STARD13: variants seen among roughly 807,000 people sequenced by gnomAD.
STARD13 encodes the protein StAR related lipid transfer domain containing 13.
Under a neutral mutation model 106.4 loss-of-function variants are expected in STARD13, and 62 were observed. That is an observed-to-expected ratio of 0.58 (90% CI 0.48 to 0.72). The LOEUF is 0.72. STARD13 is among the 30% of genes least tolerant of loss of function. STARD13 has a pLI of 0.00. For synonymous variants in STARD13, 565 were observed against 553.0 expected, an observed-to-expected ratio of 1.02 and a Z score of -0.31; for missense variants, 1,387 against 1,424.0, an observed-to-expected ratio of 0.97 and a Z score of 0.42.
chr13:33,551,568 CCTTTTTT>C, the STARD13 span, among the ~76,000 whole-genome samples: 101 of 44,792 alleles, frequency 2.3e-3, 20 homozygotes, highest in South Asian at 3.9e-3. Context: ...TTTGCTTTTC[CCTTTTTT>C]TTTTTTTTTT....
chr13:33,350,195 G>A (rs1448759880), intron 1 of STARD13: 1 of 1,372,374 alleles, frequency 7.3e-7, no homozygotes, highest in Non-Finnish European at 9.4e-7. Flanking sequence ...CTCATGCCCT[G>A]GAGCCCAGAG....
the STARD13 span, among the ~76,000 whole-genome samples, chr13:33,449,168 C>T: frequency 1.3e-5 from 2 of 151,480 alleles, no homozygotes; most frequent in Non-Finnish European, 2.9e-5. Flanking sequence ...CAAAAAAATC[C>T]TGGTGTAGGA....
At chr13:33,459,135 A>T in the STARD13 span, among the ~76,000 whole-genome samples, 18 of 152,180 alleles carry the variant, frequency 1.2e-4, no homozygotes, top group Non-Finnish European at 2.1e-4. Context: ...GATATAGTGT[A>T]CAATTTGATA....
the STARD13 span, among the ~76,000 whole-genome samples, chr13:33,630,131 T>C: frequency 1.3e-5 from 2 of 152,164 alleles, no homozygotes; most frequent in African/African-American, 4.8e-5. Context: ...CCCTATGAAG[T>C]AGGTGTAGTA....
chr13:33,580,778 T>C, the STARD13 span, among the ~76,000 whole-genome samples: 9 of 152,250 alleles, frequency 5.9e-5, no homozygotes, highest in Non-Finnish European at 1.5e-5. Flanking sequence ...AAACATTTTA[T>C]CTCTATTTAT....
intron 1 of STARD13, among the ~76,000 whole-genome samples, chr13:33,181,047 T>C (rs1030665479): frequency 6.6e-6 from 1 of 152,180 alleles, no homozygotes; most frequent in African/African-American, 2.4e-5. Flanking sequence ...AACATTGTTG[T>C]GTGTTTTTTG....
chr13:33,421,766 C>T, the STARD13 span, among the ~76,000 whole-genome samples: 1 of 152,186 alleles, frequency 6.6e-6, no homozygotes, highest in Admixed American at 6.5e-5. Context: ...GTGGCTTCAT[C>T]CCTGGGATGC....
chr13:33,387,511 G>A, the STARD13 span, among the ~76,000 whole-genome samples: 3 of 152,156 alleles, frequency 2.0e-5, no homozygotes, highest in East Asian at 1.9e-4. Context: ...GCACTCCCCT[G>A]TACTGCCCAG....
chr13:33,322,344 T>C (rs978519431), intron 1 of STARD13, among the ~76,000 whole-genome samples: 1 of 152,242 alleles, frequency 6.6e-6, no homozygotes, highest in African/African-American at 2.4e-5. Context: ...AATCTTGTCC[T>C]ACAGGCTCAA....
At chr13:33,141,960 T>A (rs8001497) in intron 4 of STARD13, among the ~76,000 whole-genome samples, 2,583 of 152,280 alleles carry the variant, frequency 0.017, 85 homozygotes, top group African/African-American at 0.059. Flanking sequence ...ATTTAGGTGG[T>A]TATGATGAAA....
chr13:33,455,260 G>T, the STARD13 span, among the ~76,000 whole-genome samples: 6 of 152,204 alleles, frequency 3.9e-5, no homozygotes, highest in African/African-American at 1.4e-4. Flanking sequence ...ATCTCCAAAA[G>T]TAAGTGTCAC....
At chr13:33,602,109 G>A in the STARD13 span, among the ~76,000 whole-genome samples, 8 of 79,588 alleles carry the variant, frequency 1.0e-4, no homozygotes, top group East Asian at 3.3e-3. Context: ...TTTTTTTTTT[G>A]AGATGGAGTT....
At chr13:33,153,539 G>A (rs1881570570) in intron 3 of STARD13, among the ~76,000 whole-genome samples, 1 of 152,130 alleles carries the variant, frequency 6.6e-6, no homozygotes. Flanking sequence ...GAGGTGCCCG[G>A]GCCCAGACCA....
At chr13:33,360,204 C>T in the STARD13 span, among the ~76,000 whole-genome samples, 5 of 140,396 alleles carry the variant, frequency 3.6e-5, no homozygotes, top group South Asian at 7.3e-4. Context: ...CAAAGGCAGT[C>T]GATTTTTTTT....
intron 1 of STARD13, among the ~76,000 whole-genome samples, chr13:33,292,457 C>T (rs1892331503): frequency 6.6e-6 from 1 of 151,760 alleles, no homozygotes; most frequent in Middle Eastern, 3.4e-3. Context: ...AAAACTTAGC[C>T]AGGCATGGTT....
intron 1 of STARD13, among the ~76,000 whole-genome samples, chr13:33,187,254 T>C (rs1190854811): frequency 6.6e-6 from 1 of 152,176 alleles, no homozygotes; most frequent in Non-Finnish European, 1.5e-5. Flanking sequence ...TCCCGCTCTA[T>C]CGGGGTCAGA....
chr13:33,389,168 G>A, the STARD13 span, among the ~76,000 whole-genome samples: 1 of 151,930 alleles, frequency 6.6e-6, no homozygotes, highest in Non-Finnish European at 1.5e-5. Context: ...ATGTTGGCCA[G>A]TCTGGTCTCG....
chr13:33,337,707 C>G (rs763922312), intron 1 of STARD13, among the ~76,000 whole-genome samples: 3 of 152,186 alleles, frequency 2.0e-5, no homozygotes, highest in Non-Finnish European at 4.4e-5. Flanking sequence ...GTGATTTACA[C>G]ATGGCTGTTG....
At position 33,341,367 on chromosome 13, in the gene STARD13, G is replaced by A. The variant is rs563465883; in HGVS notation, c.124+8923C>T. ...GAAATTTCCGTGAACGGCATGGCGC[G>A]GTGCCTCAAGCCTGTAATCCCAGCA... On this transcript the variant is annotated intron_variant, in intron 1 of 5. Coordinates refer to the STARD13 transcript ENST00000567873. Among the ~76,000 whole-genome samples the A allele has an allele frequency of 5.3e-5, 8 of 152,170 alleles. No homozygotes were observed. In the South Asian group the frequency reaches 1.0e-3, roughly 20 times the overall value.
Sources: gnomAD v4.1 joint callset for allele counts (sites outside exome capture counted in the v4.1 genomes callset) on GRCh38, gnomAD v4.1.1 for gene constraint, MANE v1.5 for transcripts, NCBI Gene and HGNC (gene_info 2026-07-23, HGNC 2026-07-21) for gene names.